The following LRRTM4 variants were observed in gnomAD, a reference collection of about 807,000 sequenced individuals.
LRRTM4 encodes the protein leucine-rich repeat transmembrane neuronal protein 4.
Under a neutral mutation model 47.6 loss-of-function variants are expected in LRRTM4, and 25 were observed. The ratio of observed to expected loss-of-function variants is 0.53; its 90% CI spans 0.38 to 0.73. LRRTM4 has a LOEUF of 0.73. Among genes scored for constraint, LRRTM4 ranks in the 30% least tolerant of loss-of-function variants. The pLI, the probability that LRRTM4 is intolerant of heterozygous loss-of-function variation, is 0.00. For synonymous variants in LRRTM4, 311 were observed against 269.5 expected (o/e 1.15, Z -1.51); for missense variants, 638 against 713.4 (o/e 0.89, Z 1.20).
chr2:77,468,547 T>C (rs1002996969), intron 3 of LRRTM4, among the ~76,000 whole-genome samples: 7 of 152,198 alleles, frequency 4.6e-5, no homozygotes, highest in African/African-American at 1.7e-4. Flanking sequence ...AAGTCCCCAT[T>C]GTGCTTTGAA....
In LRRTM4 at chr2:76,805,504, CAG is replaced by C. The variant is rs574525996; in HGVS notation, c.1552-56590_1552-56589del. Among the ~76,000 whole-genome samples the C allele has an allele frequency of 1.7e-3, 256 of 152,154 alleles. 1 individual carries two copies. Among genetic ancestry groups the C allele is most frequent in the African/African-American group, 5.7e-3 (237 of 41,508 alleles). On this transcript the variant is annotated intron_variant, in intron 3 of 3. Transcript: ENST00000409884. ...TGTAGTGACAAAGAGTTAGTACAAT[CAG>C]AAATTTAGGACATACATCATGTAGA...
At chr2:77,168,163 C>G (rs1040563603) in intron 3 of LRRTM4, among the ~76,000 whole-genome samples, 2 of 152,076 alleles carry the variant, frequency 1.3e-5, no homozygotes, top group Non-Finnish European at 2.9e-5. Context: ...CTTGAGCATT[C>G]ATATGTTCTG....
chr2:77,046,810 C>T (rs915834926), intron 3 of LRRTM4, among the ~76,000 whole-genome samples: 1 of 151,886 alleles, frequency 6.6e-6, no homozygotes, highest in African/African-American at 2.4e-5. Context: ...TTTTGTCATC[C>T]AGAAAAAGAC....
chr2:77,205,141 A>C (rs756515522), intron 3 of LRRTM4, among the ~76,000 whole-genome samples: 1 of 152,242 alleles, frequency 6.6e-6, no homozygotes, highest in Non-Finnish European at 1.5e-5. Context: ...ACACTTAATG[A>C]TGTATTTATA....
At position 76,988,784 on chromosome 2, in the gene LRRTM4, C is replaced by G. The variant is rs756991513; in HGVS notation, c.1552-239868G>C. On this transcript the variant is annotated intron_variant, in intron 3 of 3. Coordinates refer to ENST00000409884, the MANE Select transcript of LRRTM4 (RefSeq NM_001134745.3). Reference sequence around the variant, plus strand: ...CCCACCCCATTCTTTCTTCCCCACGCGTTACCTGGACTTGACATCTCCTAT... The same window carrying G: ...CCCACCCCATTCTTTCTTCCCCACGGGTTACCTGGACTTGACATCTCCTAT... 3.3e-5 allele frequency among the ~76,000 whole-genome samples: 5 copies of G among 151,084 alleles called. No homozygotes were observed. The South Asian group carries it at 8.4e-4, about 25-fold the overall frequency.
chr2:76,937,019 T>C (rs1674977244), intron 3 of LRRTM4, among the ~76,000 whole-genome samples: 1 of 140,964 alleles, frequency 7.1e-6, no homozygotes, highest in Admixed American at 7.2e-5. Flanking sequence ...CATATCATCT[T>C]ATCAGTAGAT....
chr2:77,195,992 A>G lies in LRRTM4; in HGVS notation c.1551+322326T>C, dbSNP rs547675629. On this transcript the variant is annotated intron_variant, in intron 3 of 3. Transcript: ENST00000409884. Reference sequence around the variant, plus strand: ...AGTAAGCTATTAATCTTTCCTGACAAGAAGAAACTAATCCTTCTCATTATT... The same window carrying G: ...AGTAAGCTATTAATCTTTCCTGACAGGAAGAAACTAATCCTTCTCATTATT... 2.0e-5 allele frequency among the ~76,000 whole-genome samples: 3 copies of G among 152,292 alleles called. No homozygotes were observed. In the East Asian group the frequency reaches 5.8e-4, roughly 29 times the overall value.
intron 3 of LRRTM4, among the ~76,000 whole-genome samples, chr2:76,928,095 A>G (rs1161308987): frequency 1.3e-5 from 2 of 152,182 alleles, no homozygotes; most frequent in Admixed American, 6.6e-5. Flanking sequence ...CATGAGACAT[A>G]TAATAGTCAC....
intron 3 of LRRTM4, among the ~76,000 whole-genome samples, chr2:76,866,809 A>C (rs963792168): frequency 3.3e-5 from 5 of 152,104 alleles, no homozygotes; most frequent in Non-Finnish European, 5.9e-5. Context: ...TAAACATACG[A>C]GTGCATGTGT....
intron 3 of LRRTM4, among the ~76,000 whole-genome samples, chr2:77,252,811 G>C (rs1675658395): frequency 6.6e-6 from 1 of 152,072 alleles, no homozygotes; most frequent in South Asian, 2.1e-4. Context: ...GTTTAAACAA[G>C]AGAAATTTAT....
At chr2:76,886,162 T>G (rs76401190) in intron 3 of LRRTM4, among the ~76,000 whole-genome samples, 2,172 of 152,252 alleles carry the variant, frequency 0.014, 46 homozygotes, top group African/African-American at 0.045. Context: ...GCTAAAAGCA[T>G]TACAAAATTT....
At chr2:77,358,218 C>T (rs1180002106) in intron 3 of LRRTM4, among the ~76,000 whole-genome samples, 1 of 152,172 alleles carries the variant, frequency 6.6e-6, no homozygotes, top group Non-Finnish European at 1.5e-5. Context: ...CGTGGTTCTG[C>T]AGACGGTATG....
At chr2:77,081,148 T>G (rs1680516610) in intron 3 of LRRTM4, among the ~76,000 whole-genome samples, 1 of 152,078 alleles carries the variant, frequency 6.6e-6, no homozygotes, top group African/African-American at 2.4e-5. Context: ...TGATCATGTA[T>G]ACTTTTTATC....
Position 76,793,825 on chromosome 2 carries a change from C to T in LRRTM4, c.1552-44909G>A, listed in dbSNP as rs150844087. On this transcript the variant is annotated intron_variant, in intron 3 of 3. Transcript: ENST00000409884. ...AGATAAAACTCAGACCTCTGAGAAA[C>T]AAACACCTGTGTTGCTGTAAGCCTG... Among the ~76,000 whole-genome samples the T allele has an allele frequency of 9.8e-3, 1,485 of 152,220 alleles. 11 individuals carry two copies. Among genetic ancestry groups the T allele is most frequent in the Middle Eastern group, 0.048 (14 of 294 alleles).
At chr2:77,385,741 C>CTT (rs33978835) in intron 3 of LRRTM4, among the ~76,000 whole-genome samples, 1,277 of 82,340 alleles carry the variant, frequency 0.016, 10 homozygotes, top group African/African-American at 0.018. Flanking sequence ...GTACATGGTA[C>CTT]TTTTTTTTTT....
intron 3 of LRRTM4, among the ~76,000 whole-genome samples, chr2:77,352,643 A>G (rs910215627): frequency 1.3e-5 from 2 of 152,102 alleles, no homozygotes; most frequent in South Asian, 2.1e-4. Flanking sequence ...AAATATGACA[A>G]TACAGAAATC....
intron 3 of LRRTM4, among the ~76,000 whole-genome samples, chr2:76,960,457 G>A (rs1053911922): frequency 2.0e-5 from 3 of 151,448 alleles, no homozygotes; most frequent in African/African-American, 7.3e-5. Flanking sequence ...GAACATTATA[G>A]CAATGTGGAC....
At chr2:77,124,978 G>T (rs996645727) in intron 3 of LRRTM4, among the ~76,000 whole-genome samples, 2 of 152,104 alleles carry the variant, frequency 1.3e-5, no homozygotes, top group African/African-American at 4.8e-5. Flanking sequence ...GACATGTTTT[G>T]AAAAAGCATC....
chr2:77,305,459 T>A (rs1677246610), intron 3 of LRRTM4, among the ~76,000 whole-genome samples: 1 of 152,136 alleles, frequency 6.6e-6, no homozygotes, highest in Non-Finnish European at 1.5e-5. Context: ...AATTTTGTGA[T>A]TAACTTTCTT....
Sources: allele counts gnomAD v4.1 joint callset (sites outside exome capture counted in the v4.1 genomes callset), GRCh38; gene constraint gnomAD v4.1.1; transcripts MANE v1.5; gene names NCBI Gene and HGNC (gene_info 2026-07-23, HGNC 2026-07-21).